LHFPL3: variants seen among roughly 807,000 people sequenced by gnomAD.
The protein encoded by LHFPL3 is LHFPL tetraspan subfamily member 3 protein.
LHFPL3 carries 5 observed loss-of-function variants against 19.3 expected under a neutral mutation model. The observed-to-expected ratio is 0.26, with a 90% CI of 0.14 to 0.54. LHFPL3 has a LOEUF of 0.54. LHFPL3 is among the 20% of genes least tolerant of loss of function. The probability of loss-of-function intolerance (pLI) is 0.94; values close to 1 mark genes in which losing one functional copy is unlikely to be tolerated. For synonymous variants in LHFPL3, 133 were observed against 126.2 expected, an observed-to-expected ratio of 1.05 and a Z score of -0.36; for missense variants, 249 against 307.4, an observed-to-expected ratio of 0.81 and a Z score of 1.42.
chr7:104,802,043 C>A (rs1262827742), intron 2 of LHFPL3, among the ~76,000 whole-genome samples: 1 of 152,082 alleles, frequency 6.6e-6, no homozygotes, highest in Admixed American at 6.5e-5. Flanking sequence ...ACCTTTCTTC[C>A]CTACCTCTTT....
At chr7:104,787,369 C>T (rs139997117) in intron 2 of LHFPL3, among the ~76,000 whole-genome samples, 11 of 152,216 alleles carry the variant, frequency 7.2e-5, no homozygotes, top group East Asian at 5.8e-4. Context: ...TTTCTTCAGG[C>T]GCCTGTAACA....
chr7:104,382,365 G>C (rs927829282), intron 1 of LHFPL3, among the ~76,000 whole-genome samples: 2 of 152,198 alleles, frequency 1.3e-5, no homozygotes, highest in East Asian at 3.8e-4. Flanking sequence ...GCGCATGCCT[G>C]TAATCCCACC....
intron 1 of LHFPL3, among the ~76,000 whole-genome samples, chr7:104,517,472 C>G (rs1354847802): frequency 6.7e-6 from 1 of 148,518 alleles, no homozygotes. Flanking sequence ...TGATTTTTAA[C>G]ATATGACTCA....
intron 1 of LHFPL3, among the ~76,000 whole-genome samples, chr7:104,701,846 C>A (rs568518732): frequency 4.8e-5 from 7 of 144,686 alleles, no homozygotes; most frequent in Admixed American, 3.5e-4. Context: ...TTCTAGGAAC[C>A]CTTTTTTGTT....
At chr7:104,697,065 G>T (rs994104902) in intron 1 of LHFPL3, among the ~76,000 whole-genome samples, 2 of 152,138 alleles carry the variant, frequency 1.3e-5, no homozygotes, top group Non-Finnish European at 1.5e-5. Context: ...AGGGGTGAGA[G>T]AGCTCTCCAG....
At chr7:104,850,192 C>G (rs1471337844) in intron 2 of LHFPL3, among the ~76,000 whole-genome samples, 1 of 152,140 alleles carries the variant, frequency 6.6e-6, no homozygotes, top group Admixed American at 6.6e-5. Flanking sequence ...ATCCCAGCTA[C>G]TCAGGAGGCT....
intron 1 of LHFPL3, among the ~76,000 whole-genome samples, chr7:104,564,085 G>T (rs543103498): frequency 3.3e-5 from 5 of 152,068 alleles, no homozygotes; most frequent in Admixed American, 6.5e-5. Flanking sequence ...CTATGATGTG[G>T]CTACTATTAT....
Position 104,668,723 on chromosome 7 carries a change from C to T in LHFPL3, c.446-67952C>T. 5.7e-6 allele frequency: 9 copies of T among 1,577,618 alleles called. No individual in the cohort carries two copies. The South Asian group carries it at 7.9e-5, about 14-fold the overall frequency. On this transcript the variant is annotated intron_variant, in intron 1 of 2. Coordinates refer to ENST00000424859, the MANE Select transcript of LHFPL3 (RefSeq NM_199000.3). Reference sequence around the variant, plus strand: ...ATAGGCGTGATGATAGAGGTCCCCCCCCCCCCAAAGACCCAAACTGAATCT... The same window carrying T: ...ATAGGCGTGATGATAGAGGTCCCCCTCCCCCCAAAGACCCAAACTGAATCT...
At chr7:104,454,902 T>C (rs919788550) in intron 1 of LHFPL3, among the ~76,000 whole-genome samples, 3 of 152,228 alleles carry the variant, frequency 2.0e-5, no homozygotes, top group Non-Finnish European at 2.9e-5. Context: ...TATTTAGAAA[T>C]GCTGTTCTTT....
At chr7:104,646,321 G>C (rs946907361) in intron 1 of LHFPL3, among the ~76,000 whole-genome samples, 1 of 152,126 alleles carries the variant, frequency 6.6e-6, no homozygotes, top group Non-Finnish European at 1.5e-5. Flanking sequence ...GCTCACCAAG[G>C]ACTCCAAGTT....
chr7:104,738,206 C>A (rs1269654156), intron 2 of LHFPL3, among the ~76,000 whole-genome samples: 1 of 152,118 alleles, frequency 6.6e-6, no homozygotes. Context: ...AAAGTACCAC[C>A]TTCTCAGAGC....
Position 104,586,814 on chromosome 7 carries a change from C to T in LHFPL3, c.446-149861C>T, listed in dbSNP as rs1790588059. ...GCCACACAAATGTTTTATAAAACCCCTTCTGGCCAAGCACATTAACACAAT... is the reference window on the plus strand; with the variant it reads ...GCCACACAAATGTTTTATAAAACCCTTTCTGGCCAAGCACATTAACACAAT... On this transcript the variant is annotated intron_variant, in intron 1 of 2. Transcript: ENST00000424859. 3.9e-5 allele frequency among the ~76,000 whole-genome samples: 6 copies of T among 152,106 alleles called. No individual in the cohort carries two copies. In the South Asian group the frequency reaches 1.2e-3, roughly 31 times the overall value.
chr7:104,403,560 G>A (rs1190548830), intron 1 of LHFPL3, among the ~76,000 whole-genome samples: 1 of 152,072 alleles, frequency 6.6e-6, no homozygotes, highest in African/African-American at 2.4e-5. Flanking sequence ...ACATTACTTT[G>A]GTCTTTGTAT....
chr7:104,878,643 C>T (rs940026981), intron 2 of LHFPL3, among the ~76,000 whole-genome samples: 1 of 152,140 alleles, frequency 6.6e-6, no homozygotes, highest in African/African-American at 2.4e-5. Flanking sequence ...AAGTACTAAA[C>T]AGTGTTTAAG....
At chr7:104,633,798 T>A (rs1791684104) in intron 1 of LHFPL3, among the ~76,000 whole-genome samples, 1 of 152,236 alleles carries the variant, frequency 6.6e-6, no homozygotes, top group Non-Finnish European at 1.5e-5. Context: ...TACATTTTCA[T>A]CTTTATTAAA....
At chr7:104,397,929 A>G (rs1232585981) in intron 1 of LHFPL3, among the ~76,000 whole-genome samples, 1 of 152,182 alleles carries the variant, frequency 6.6e-6, no homozygotes, top group Non-Finnish European at 1.5e-5. Context: ...GAGAGCAGAA[A>G]ACAGAACTGC....
At chr7:104,639,625 T>C (rs1190043461) in intron 1 of LHFPL3, among the ~76,000 whole-genome samples, 1 of 152,172 alleles carries the variant, frequency 6.6e-6, no homozygotes, top group African/African-American at 2.4e-5. Context: ...GTAAAATAAG[T>C]AGATAAAATC....
chr7:104,639,722 A>G (rs902576435), intron 1 of LHFPL3, among the ~76,000 whole-genome samples: 1 of 152,222 alleles, frequency 6.6e-6, no homozygotes, highest in Non-Finnish European at 1.5e-5. Flanking sequence ...GGCTCTTGAA[A>G]GGAAACCAAC....
At chr7:104,664,595 C>T (rs1382983016) in intron 1 of LHFPL3, among the ~76,000 whole-genome samples, 4 of 152,198 alleles carry the variant, frequency 2.6e-5, no homozygotes, top group Non-Finnish European at 5.9e-5. Context: ...TCCCTTGCAA[C>T]TTCTCAGCTC....
Sources: gnomAD v4.1 joint callset for allele counts (sites outside exome capture counted in the v4.1 genomes callset) on GRCh38, gnomAD v4.1.1 for gene constraint, MANE v1.5 for transcripts, NCBI Gene and HGNC (gene_info 2026-07-23, HGNC 2026-07-21) for gene names.